TYW1B: variants seen among roughly 807,000 people sequenced by gnomAD.
TYW1B encodes tRNA-yW synthesizing protein 1 homolog B, also known as S-adenosyl-L-methionine-dependent tRNA 4-demethylwyosine synthase TYW1B.
In TYW1B, 73 loss-of-function variants were observed where a neutral mutation model predicts 86.9. The ratio of observed to expected loss-of-function variants is 0.84; its 90% CI spans 0.70 to 1.02. TYW1B has a LOEUF of 1.02. Ranked by LOEUF, TYW1B falls within the 50% of genes least tolerant of loss-of-function variation. The pLI is 0.00. For synonymous variants in TYW1B, 248 were observed against 292.8 expected, an observed-to-expected ratio of 0.85 and a Z score of 1.56; for missense variants, 637 against 827.4, an observed-to-expected ratio of 0.77 and a Z score of 2.82.
At chr7:72,787,727 T>C (rs1563094080) in intron 6 of TYW1B, among the ~76,000 whole-genome samples, 2 of 150,440 alleles carry the variant, frequency 1.3e-5, no homozygotes, top group Non-Finnish European at 3.0e-5. Flanking sequence ...GCCAAGATCG[T>C]GCCACTGCAC....
intron 8 of TYW1B, among the ~76,000 whole-genome samples, chr7:72,735,027 T>G (rs1301302573): frequency 6.6e-6 from 1 of 152,076 alleles, no homozygotes; most frequent in Non-Finnish European, 1.5e-5. Flanking sequence ...CCACAGTCAT[T>G]AGGGAAAACA....
At chr7:72,652,025 C>T (rs1190376619) in intron 11 of TYW1B, among the ~76,000 whole-genome samples, 16 of 151,616 alleles carry the variant, frequency 1.1e-4, no homozygotes, top group Non-Finnish European at 1.5e-5. Context: ...TCAAGAGATT[C>T]GCCCACCTCA....
intron 13 of TYW1B, among the ~76,000 whole-genome samples, chr7:72,592,242 TG>T (rs1554431661): frequency 6.6e-6 from 1 of 151,672 alleles, no homozygotes; most frequent in East Asian, 1.9e-4. Flanking sequence ...TGTTATTCTG[TG>T]ACATCAACAA....
At chr7:72,727,058 G>A (rs1235512087) in intron 9 of TYW1B, among the ~76,000 whole-genome samples, 4 of 152,048 alleles carry the variant, frequency 2.6e-5, no homozygotes, top group East Asian at 1.9e-4. Flanking sequence ...GGTCTCTCTC[G>A]ACGCATAGGG....
intron 6 of TYW1B, among the ~76,000 whole-genome samples, chr7:72,781,105 T>C (rs1194039529): frequency 1.3e-5 from 2 of 152,130 alleles, no homozygotes; most frequent in African/African-American, 2.4e-5. Context: ...GGTTCAATTA[T>C]GTGCAGTAAA....
chr7:72,811,873 C>T (rs1204189732), intron 3 of TYW1B, among the ~76,000 whole-genome samples: 2 of 149,018 alleles, frequency 1.3e-5, no homozygotes, highest in Non-Finnish European at 3.0e-5. Context: ...AATCACACCC[C>T]TGCACACTGC....
At chr7:72,801,450 T>C (rs1441497369) in intron 6 of TYW1B, among the ~76,000 whole-genome samples, 10 of 152,216 alleles carry the variant, frequency 6.6e-5, no homozygotes, top group Non-Finnish European at 1.5e-4. Context: ...ATAAAGTCTA[T>C]TGACTTTCTA....
At chr7:72,634,754 A>G (rs1258073309) in intron 11 of TYW1B, among the ~76,000 whole-genome samples, 3 of 152,112 alleles carry the variant, frequency 2.0e-5, no homozygotes, top group Non-Finnish European at 4.4e-5. Context: ...AGCTGAGTTC[A>G]TATGTTTTCT....
At chr7:72,745,679 T>C (rs555876930) in intron 7 of TYW1B, among the ~76,000 whole-genome samples, 7 of 151,968 alleles carry the variant, frequency 4.6e-5, no homozygotes, top group Admixed American at 1.3e-4. Flanking sequence ...GGTAGGTTAC[T>C]AAAGAAGTGA....
At chr7:72,606,551 G>A (rs1811803697) in intron 13 of TYW1B, among the ~76,000 whole-genome samples, 1 of 151,976 alleles carries the variant, frequency 6.6e-6, no homozygotes, top group African/African-American at 2.4e-5. Context: ...CTCGAGTGGT[G>A]TCAGAAGAAG....
At chr7:72,759,059 G>A (rs782798852) in intron 7 of TYW1B, among the ~76,000 whole-genome samples, 5 of 152,150 alleles carry the variant, frequency 3.3e-5, no homozygotes, top group East Asian at 1.9e-4. Flanking sequence ...GGCCAGGTGC[G>A]GTAGCTTATG....
At chr7:72,618,227 A>ATTTTTTTTTTTTTTTTTTTT (rs869158136) in intron 12 of TYW1B, among the ~76,000 whole-genome samples, 7 of 103,940 alleles carry the variant, frequency 6.7e-5, no homozygotes, top group Non-Finnish European at 9.0e-5. Flanking sequence ...ATGACACTGA[A>ATTTTTTTTTTTTTTTTTTTT]TTTTTTTTTT....
At position 72,653,560 on chromosome 7, in the gene TYW1B, T is replaced by G. The variant is rs189982999; in HGVS notation, c.1507-24563A>C. ...AGGCGGAGCTTGCAGTGAGCCAAGATCATGCCACTGCACTCCAGCCTGGGC... is the reference window on the plus strand; with the variant it reads ...AGGCGGAGCTTGCAGTGAGCCAAGAGCATGCCACTGCACTCCAGCCTGGGC... On this transcript the variant is annotated intron_variant, in intron 11 of 13. Transcript: ENST00000620995. 6.6e-3 allele frequency among the ~76,000 whole-genome samples: 1,004 copies of G among 151,062 alleles called. 8 individuals carry two copies. Among genetic ancestry groups the G allele is most frequent in the African/African-American group, 0.023 (940 of 41,174 alleles).
chr7:72,656,770 G>C (rs1813215497), intron 11 of TYW1B, among the ~76,000 whole-genome samples: 1 of 152,186 alleles, frequency 6.6e-6, no homozygotes, highest in Admixed American at 6.5e-5. Context: ...GAAGGTGAAG[G>C]GGGAGCAGGT....
intron 9 of TYW1B, among the ~76,000 whole-genome samples, chr7:72,717,515 A>C (rs1554456394): frequency 1.3e-5 from 2 of 152,100 alleles, no homozygotes; most frequent in Non-Finnish European, 2.9e-5. Context: ...GAAAAAAACA[A>C]AGAGAATGAA....
intron 13 of TYW1B, among the ~76,000 whole-genome samples, chr7:72,598,512 G>T (rs1360966957): frequency 1.3e-5 from 2 of 152,164 alleles, no homozygotes; most frequent in Non-Finnish European, 2.9e-5. Flanking sequence ...AAGAGTGGAG[G>T]TGTCTTGAGG....
At chr7:72,629,291 A>T (rs1309413302) in intron 11 of TYW1B, among the ~76,000 whole-genome samples, 1 of 152,192 alleles carries the variant, frequency 6.6e-6, no homozygotes, top group Non-Finnish European at 1.5e-5. Context: ...ACTGAATTAC[A>T]TTTAGTAAGG....
chr7:72,687,885 T>C (rs1554449682), intron 11 of TYW1B, among the ~76,000 whole-genome samples: 1 of 150,958 alleles, frequency 6.6e-6, no homozygotes, highest in African/African-American at 2.5e-5. Context: ...CAAGAACCCA[T>C]CTCTCAAAAA....
rs376514709 is a variant in TYW1B, at chr7:72,713,402, C to T, written c.1370+219G>A. 1.4e-3 allele frequency among the ~76,000 whole-genome samples: 209 copies of T among 151,676 alleles called. 1 individual carries two copies. The highest frequency in any genetic ancestry group is 5.0e-3 in the African/African-American group (205 of 41,366). ...AAAAAAATTCATTCTCTTTTCAATT[C>T]CCCTAGCGACATATCTGTGCCTCTA... On this transcript the variant is annotated intron_variant, in intron 10 of 13. Transcript: ENST00000620995.
Sources: allele counts gnomAD v4.1 joint callset (sites outside exome capture counted in the v4.1 genomes callset), GRCh38; gene constraint gnomAD v4.1.1; transcripts MANE v1.5; gene names NCBI Gene and HGNC (gene_info 2026-07-23, HGNC 2026-07-21).